TWIST2: variants seen among roughly 807,000 people sequenced by gnomAD.
TWIST2 encodes the protein twist-related protein 2.
TWIST2 carries 1 observed loss-of-function variant against 11.6 expected under a neutral mutation model. The ratio of observed to expected loss-of-function variants is 0.09; its 90% CI spans 0.03 to 0.41. The LOEUF is 0.41. TWIST2 is among the 10% of genes least tolerant of loss of function. The pLI, the probability that TWIST2 is intolerant of heterozygous loss-of-function variation, is 0.98. For missense variants in TWIST2, 168 were observed against 226.4 expected, an observed-to-expected ratio of 0.74 and a Z score of 1.66; for synonymous variants, 87 against 96.6, an observed-to-expected ratio of 0.90 and a Z score of 0.58.
At position 238,863,361 on chromosome 2, in the gene TWIST2, G is replaced by A. The variant is rs1009078150; in HGVS notation, c.*35+14628G>A. 7.2e-5 allele frequency among the ~76,000 whole-genome samples: 11 copies of A among 152,144 alleles called. No individual in the cohort carries two copies. The highest frequency in any genetic ancestry group is 1.9e-4 in the East Asian group (1 of 5,188). ...TCTGCAATCTACATTAAAGATGCCCGTCCATCATTTTCAGAAGAGGCCTTT... is the reference window on the plus strand; with the variant it reads ...TCTGCAATCTACATTAAAGATGCCCATCCATCATTTTCAGAAGAGGCCTTT... On this transcript the variant is annotated intron_variant, in intron 1 of 1. Transcript: ENST00000612363. The surrounding 1 kb of genome is among the most constrained non-coding windows in gnomAD (Gnocchi z 4.7).
rs140680234 is a variant in TWIST2, at chr2:238,872,602, C to G, written c.*35+23869C>G. ...TGAATTTGATACAAATATGAGTCTT[C>G]AAGGTCATTCTGATGAAAGCTTTCA... On this transcript the variant is annotated intron_variant, in intron 1 of 1. Transcript: ENST00000612363. Among the ~76,000 whole-genome samples, 7 of 152,314 alleles carry G rather than the reference C, an allele frequency of 4.6e-5. No homozygotes were observed. The East Asian group carries it at 1.4e-3, about 29-fold the overall frequency.
intron 1 of TWIST2, among the ~76,000 whole-genome samples, chr2:238,874,099 G>T (rs1692762169): frequency 6.6e-6 from 1 of 152,156 alleles, no homozygotes. Flanking sequence ...GTTGATGGAG[G>T]GGATGGCGAT....
At chr2:238,890,871 G>T (rs971869995) in intron 1 of TWIST2, among the ~76,000 whole-genome samples, 1 of 152,024 alleles carries the variant, frequency 6.6e-6, no homozygotes. Flanking sequence ...GATTGAAATC[G>T]TTCTGCCCAC....
chr2:238,886,963 T>C (rs1693048689), intron 1 of TWIST2: 1 of 152,166 alleles, frequency 6.6e-6, no homozygotes. Flanking sequence ...ACAAGAGGAC[T>C]TTGGGGAAAG....
At chr2:238,907,122 G>A (rs1355300054) in intron 1 of TWIST2, among the ~76,000 whole-genome samples, 1 of 152,220 alleles carries the variant, frequency 6.6e-6, no homozygotes, top group Admixed American at 6.5e-5. Flanking sequence ...GGCTGCTGCA[G>A]GCTGGCCTGG....
intron 1 of TWIST2, among the ~76,000 whole-genome samples, chr2:238,856,156 C>T (rs1252649370): frequency 1.3e-5 from 2 of 152,010 alleles, no homozygotes; most frequent in African/African-American, 2.4e-5. Context: ...CTTGAGGTCC[C>T]GTCTTGTGTG....
In TWIST2 at chr2:238,910,061, A is replaced by T. The variant is rs1316958593; in HGVS notation, c.*255A>T. ...CAGCCCTCTTGCTGGTGACATTGTCATGGTCATCTTGTTTCTGTTTGGATT... is the reference window on the plus strand; with the variant it reads ...CAGCCCTCTTGCTGGTGACATTGTCTTGGTCATCTTGTTTCTGTTTGGATT... On this transcript the variant is annotated 3_prime_UTR_variant, in exon 2 of 2. Transcript: ENST00000612363. 1.3e-5 allele frequency: 2 copies of T among 152,058 alleles called. No homozygotes were observed. Among genetic ancestry groups the T allele is most frequent in the South Asian group, 4.1e-4 (2 of 4,820 alleles). 9.4% of individuals were successfully genotyped at this position (152,058 alleles called of 1,614,324 possible).
At chr2:238,899,612 C>T (rs1181590716) in intron 1 of TWIST2, among the ~76,000 whole-genome samples, 4 of 152,196 alleles carry the variant, frequency 2.6e-5, no homozygotes, top group African/African-American at 9.7e-5. Flanking sequence ...TTGCACACAC[C>T]CCTCTCTGTG....
At chr2:238,849,457 T>C (rs912345382) in intron 1 of TWIST2, among the ~76,000 whole-genome samples, 1 of 151,926 alleles carries the variant, frequency 6.6e-6, no homozygotes, top group African/African-American at 2.4e-5. Flanking sequence ...GGCAGGCGGG[T>C]CCGACGCAGC....
chr2:238,892,747 C>T (rs552824964), intron 1 of TWIST2, among the ~76,000 whole-genome samples: 1 of 152,262 alleles, frequency 6.6e-6, no homozygotes, highest in African/African-American at 2.4e-5. Context: ...TCCCAAAGTG[C>T]TAGGATTACA....
rs1020342975 is a variant in TWIST2 at position 238,867,405 on chromosome 2, ACACACACT to A, written c.*35+18674_*35+18681del. On this transcript the variant is annotated intron_variant, in intron 1 of 1. Coordinates refer to ENST00000612363, the MANE Select transcript of TWIST2 (RefSeq NM_001271893.4). This position sits in a 1 kb window ranked among gnomAD's most constrained non-coding sequence, Gnocchi z 4.8. ...CACACACACACACACACACACACACACACACACTCCTCAGTAAAATACCCAGTTCTCAC... is the reference window on the plus strand; with the variant it reads ...CACACACACACACACACACACACACACCTCAGTAAAATACCCAGTTCTCAC... Among the ~76,000 whole-genome samples, 2 of 151,054 alleles carry A rather than the reference ACACACACT, an allele frequency of 1.3e-5. No individual in the cohort carries two copies. Among genetic ancestry groups the A allele is most frequent in the Admixed American group, 6.6e-5 (1 of 15,140 alleles).
chr2:238,882,708 G>A (rs988050862), intron 1 of TWIST2, among the ~76,000 whole-genome samples: 11 of 152,178 alleles, frequency 7.2e-5, no homozygotes, highest in Admixed American at 5.9e-4. Context: ...GAGCAAATGC[G>A]TTTGTAACTT....
chr2:238,872,559 A>T (rs540064025), intron 1 of TWIST2, among the ~76,000 whole-genome samples: 1 of 152,350 alleles, frequency 6.6e-6, no homozygotes, highest in Non-Finnish European at 1.5e-5. Context: ...TTTTCCAAGA[A>T]TTGGGGTTAA....
chr2:238,859,717 G>A (rs190212754), intron 1 of TWIST2, among the ~76,000 whole-genome samples: 1 of 152,224 alleles, frequency 6.6e-6, no homozygotes, highest in East Asian at 1.9e-4. Flanking sequence ...TCCTGCTTCA[G>A]CACTTATCCA....
chr2:238,850,917 C>T (rs36128851), intron 1 of TWIST2, among the ~76,000 whole-genome samples: 23,892 of 152,168 alleles, frequency 0.16, 2,004 homozygotes, highest in East Asian at 0.21. Context: ...ATTCTGGACA[C>T]ACCTTGTTTT....
intron 1 of TWIST2, among the ~76,000 whole-genome samples, chr2:238,857,719 C>T (rs1401362541): frequency 2.0e-5 from 3 of 152,012 alleles, no homozygotes; most frequent in African/African-American, 7.2e-5. Flanking sequence ...GGTGGATTAC[C>T]TGAGGCCAGG....
intron 1 of TWIST2, among the ~76,000 whole-genome samples, chr2:238,870,580 C>T (rs1692660947): frequency 3.3e-5 from 3 of 91,418 alleles, no homozygotes; most frequent in South Asian, 4.0e-4. Flanking sequence ...ACACACCACA[C>T]ACACACACCA....
intron 1 of TWIST2, among the ~76,000 whole-genome samples, chr2:238,903,555 G>T (rs1211535634): frequency 1.4e-5 from 2 of 146,334 alleles, no homozygotes; most frequent in African/African-American, 5.1e-5. Context: ...GTTGTGGGAT[G>T]TGTGATGTAG....
intron 1 of TWIST2, among the ~76,000 whole-genome samples, chr2:238,905,548 G>A (rs1437506510): frequency 6.6e-6 from 1 of 152,156 alleles, no homozygotes; most frequent in East Asian, 1.9e-4. Flanking sequence ...CCTCGGGCAC[G>A]TGAAGCAAAC....
Sources: gnomAD v4.1 joint callset for allele counts (sites outside exome capture counted in the v4.1 genomes callset) on GRCh38, gnomAD v4.1.1 for gene constraint, Gnocchi (gnomAD v3.1) non-coding constraint, MANE v1.5 for transcripts, NCBI Gene and HGNC (gene_info 2026-07-23, HGNC 2026-07-21) for gene names.